Variants in GLP2R observed in about 807,000 individuals in gnomAD.
GLP2R encodes glucagon like peptide 2 receptor, also known as glucagon-like peptide 2 receptor.
GLP2R carries 59 observed loss-of-function variants against 68.2 expected under a neutral mutation model. That is an observed-to-expected ratio of 0.87 (90% CI 0.70 to 1.07). The LOEUF (loss-of-function observed/expected upper bound fraction) is 1.07, where lower values mean the gene tolerates loss of function less well. GLP2R is among the 50% of genes least tolerant of loss of function. The probability of loss-of-function intolerance (pLI) is 0.00; values close to 1 mark genes in which losing one functional copy is unlikely to be tolerated. For synonymous variants in GLP2R, 270 were observed against 265.4 expected (o/e 1.02, Z -0.17); for missense variants, 548 against 677.4 (o/e 0.81, Z 2.12).
intron 10 of GLP2R, 82 bp from the exon 11 acceptor site, chr17:9,880,296 C>T (rs2067183365): frequency 1.3e-5 from 11 of 855,998 alleles, no homozygotes; most frequent in Non-Finnish European, 2.1e-5. Flanking sequence ...AGAGCTGCAA[C>T]AAAGTCATGG....
chr17:9,848,753 A>G (rs1481845210), intron 4 of GLP2R, among the ~76,000 whole-genome samples: 2 of 152,088 alleles, frequency 1.3e-5, no homozygotes, highest in African/African-American at 4.8e-5. Context: ...AAAAAAGGCC[A>G]GTGTTAGTAA....
chr17:9,851,048 G>A lies in GLP2R; in HGVS notation c.505-3447G>A, dbSNP rs191558124. Among the ~76,000 whole-genome samples, 3 of 151,964 alleles carry A rather than the reference G, an allele frequency of 2.0e-5. No individual in the cohort carries two copies. The East Asian group carries it at 5.8e-4, about 29-fold the overall frequency. On this transcript the variant is annotated intron_variant, in intron 4 of 12. Transcript: ENST00000262441. Reference sequence around the variant, plus strand: ...GCCTGCATTCCAATTCTTGTCTCAGGATCTGCTTCTTGGAAACCCAAACTA... The same window carrying A: ...GCCTGCATTCCAATTCTTGTCTCAGAATCTGCTTCTTGGAAACCCAAACTA...
chr17:9,872,331 C>A (rs2067102574), intron 10 of GLP2R, among the ~76,000 whole-genome samples: 1 of 152,170 alleles, frequency 6.6e-6, no homozygotes, highest in Non-Finnish European at 1.5e-5. Context: ...AATCCCAGTA[C>A]TTTGGGAGGC....
At chr17:9,830,239 T>C (rs947465875) in intron 1 of GLP2R, among the ~76,000 whole-genome samples, 3 of 152,356 alleles carry the variant, frequency 2.0e-5, no homozygotes, top group Middle Eastern at 6.8e-3. Context: ...AGGGGAACAT[T>C]ACTCCAGAGG....
At chr17:9,866,221 C>T (rs1312366962) in intron 9 of GLP2R, 3 of 231,754 alleles carry the variant, frequency 1.3e-5, no homozygotes, top group Admixed American at 5.2e-5. Context: ...GTGAGTTGGC[C>T]TCTCTGGGCC....
intron 10 of GLP2R, among the ~76,000 whole-genome samples, chr17:9,875,300 C>T (rs74706495): frequency 1.2e-3 from 178 of 152,242 alleles, no homozygotes; most frequent in African/African-American, 3.9e-3. Flanking sequence ...TCTTCCATGT[C>T]GGAAAGTTGT....
chr17:9,837,151 G>T (rs960427644), intron 3 of GLP2R, among the ~76,000 whole-genome samples: 9 of 152,086 alleles, frequency 5.9e-5, no homozygotes, highest in Non-Finnish European at 1.3e-4. Context: ...ACTGCGCCTG[G>T]CCGATTAAGT....
chr17:9,846,748 TA>T (rs1402966570), intron 4 of GLP2R, among the ~76,000 whole-genome samples: 1 of 152,146 alleles, frequency 6.6e-6, no homozygotes, highest in African/African-American at 2.4e-5. Flanking sequence ...TGAGGACAAA[TA>T]AAAAAATTCT....
intron 4 of GLP2R, among the ~76,000 whole-genome samples, chr17:9,853,528 A>T (rs1334433276): frequency 6.6e-6 from 1 of 152,238 alleles, no homozygotes; most frequent in Non-Finnish European, 1.5e-5. Context: ...ATATTAAGAG[A>T]GATGGAACAT....
chr17:9,855,176 A>G (rs1362820810), intron 5 of GLP2R, among the ~76,000 whole-genome samples: 2 of 152,196 alleles, frequency 1.3e-5, no homozygotes, highest in Non-Finnish European at 2.9e-5. Flanking sequence ...CTCATTGGCT[A>G]CCTCTAGAAG....
At chr17:9,870,665 T>C in intron 9 of GLP2R, 82 bp from the exon 10 acceptor site, 2 of 755,382 alleles carry the variant, frequency 2.6e-6, no homozygotes, top group East Asian at 2.4e-5. Context: ...ATGGAACTGA[T>C]GGCCGAGCCC....
At chr17:9,838,415 C>T (rs755606712) in intron 3 of GLP2R, among the ~76,000 whole-genome samples, 5 of 152,118 alleles carry the variant, frequency 3.3e-5, no homozygotes, top group Non-Finnish European at 7.4e-5. Context: ...AGGGAGGAGC[C>T]CCTTGGATTC....
chr17:9,886,722 C>T (rs1278700102), intron 11 of GLP2R, among the ~76,000 whole-genome samples: 1 of 152,174 alleles, frequency 6.6e-6, no homozygotes, highest in Admixed American at 6.5e-5. Context: ...GTGTGGAGAT[C>T]CTGGTCTGGC....
intron 2 of GLP2R, chr17:9,834,402 G>A (rs2066707825): frequency 1.2e-5 from 2 of 164,490 alleles, no homozygotes; most frequent in Non-Finnish European, 2.7e-5. Flanking sequence ...CTGGGAATCT[G>A]TTAAAGGAAT....
Position 9,889,766 on chromosome 17 carries a change from A to G in GLP2R, c.*61A>G. The G allele has an allele frequency of 9.3e-7, 1 of 1,080,490 alleles. No homozygotes were observed. The highest frequency in any genetic ancestry group is 1.3e-6 in the Non-Finnish European group (1 of 756,744). The allele number at this position is 1,080,490 out of a possible 1,614,324, so 66.9% of individuals were successfully genotyped here. On this transcript the variant is annotated 3_prime_UTR_variant, in exon 13 of 13. Coordinates refer to ENST00000262441, the MANE Select transcript of GLP2R (RefSeq NM_004246.3). Reference sequence around the variant, plus strand: ...ACTCTTGAGGGGGCCCAGGAAGAGGAAGCAAAGCAGGACACACGTTGCTGG... The same window carrying G: ...ACTCTTGAGGGGGCCCAGGAAGAGGGAGCAAAGCAGGACACACGTTGCTGG...
chr17:9,866,077 C>G (rs2067034206), intron 9 of GLP2R: 1 of 346,438 alleles, frequency 2.9e-6, no homozygotes, highest in Non-Finnish European at 5.6e-6. Flanking sequence ...CTAGGGCTCC[C>G]CAGAGAGTGG....
At chr17:9,882,525 T>A (rs941009074) in intron 11 of GLP2R, among the ~76,000 whole-genome samples, 27 of 152,162 alleles carry the variant, frequency 1.8e-4, no homozygotes, top group African/African-American at 6.3e-4. Context: ...TCTGGCTGAA[T>A]GTGAGTTTCT....
intron 9 of GLP2R, among the ~76,000 whole-genome samples, chr17:9,864,625 C>A (rs1340834264): frequency 6.6e-6 from 1 of 152,098 alleles, no homozygotes; most frequent in Non-Finnish European, 1.5e-5. Context: ...TGGGTTCAAG[C>A]GATTCTTGTG....
At chr17:9,870,658 G>T in intron 9 of GLP2R, 89 bp from the exon 10 acceptor site, 1 of 741,972 alleles carries the variant, frequency 1.3e-6, no homozygotes, top group South Asian at 1.5e-5. Flanking sequence ...TGAACTGATG[G>T]AACTGATGGC....
Sources: gnomAD v4.1 joint callset for allele counts (sites outside exome capture counted in the v4.1 genomes callset) on GRCh38, gnomAD v4.1.1 for gene constraint, MANE v1.5 for transcripts, NCBI Gene and HGNC (gene_info 2026-07-23, HGNC 2026-07-21) for gene names.